Variants in AIDA observed in about 807,000 individuals in gnomAD.
AIDA encodes axin interactor, dorsalization-associated protein.
AIDA carries 18 observed loss-of-function variants against 42.7 expected under a neutral mutation model. That is an observed-to-expected ratio of 0.42 (90% CI 0.29 to 0.63). AIDA has a LOEUF of 0.63. Among genes scored for constraint, AIDA ranks in the 20% least tolerant of loss-of-function variants. The probability of loss-of-function intolerance (pLI) is 0.19; values close to 1 mark genes in which losing one functional copy is unlikely to be tolerated. For missense variants in AIDA, 250 were observed against 354.1 expected (o/e 0.71, Z 2.36); for synonymous variants, 104 against 122.9 (o/e 0.85, Z 1.02).
In AIDA at chr1:222,669,398, CT is replaced by C. The variant is rs1233224957; in HGVS notation, c.*494del. 1 of 155,408 alleles carries C rather than the reference CT, an allele frequency of 6.4e-6. No homozygotes were observed. The highest frequency in any genetic ancestry group is 1.9e-4 in the East Asian group (1 of 5,344). The allele number at this position is 155,408 out of a possible 1,614,324, so 9.6% of individuals were successfully genotyped here. ...GCTGCCTATAAACATCCAGACAGAC[CT>C]TCTTAGGCAGCAGAACTGGTCCCAT... On this transcript the variant is annotated 3_prime_UTR_variant, in exon 10 of 10. Coordinates refer to ENST00000340020, the MANE Select transcript of AIDA (RefSeq NM_022831.4).
In AIDA at chr1:222,712,483, C is replaced by T. The variant is rs1656118443; in HGVS notation, c.-166G>A. 2.8e-6 allele frequency: 4 copies of T among 1,412,506 alleles called. No homozygotes were observed. The highest frequency in any genetic ancestry group is 3.7e-6 in the Non-Finnish European group (4 of 1,086,138). The allele number at this position is 1,412,506 out of a possible 1,614,324, so 87.5% of individuals were successfully genotyped here. A position where few individuals can be genotyped will look rare whatever the true frequency, so the allele number is the denominator to read the frequency against. On this transcript the variant is annotated 5_prime_UTR_variant, in exon 1 of 10. Coordinates refer to ENST00000340020, the MANE Select transcript of AIDA (RefSeq NM_022831.4). ...GCCCAAGCCCATTTGCCGCCACAGC[C>T]AAACTTTGCGGCTCCAAAGCGACCG...
At chr1:222,679,611 G>A (rs981177051) in intron 6 of AIDA, among the ~76,000 whole-genome samples, 5 of 152,152 alleles carry the variant, frequency 3.3e-5, no homozygotes, top group Non-Finnish European at 5.9e-5. Flanking sequence ...CTATAACAAG[G>A]TGTCCCATTT....
At position 222,689,594 on chromosome 1, in the gene AIDA, CAT is replaced by C. The variant is rs1201964728; in HGVS notation, c.290-1938_290-1937del. On this transcript the variant is annotated intron_variant, in intron 4 of 9. Transcript: ENST00000340020. ...GTATATATATATACACACACACACA[CAT>C]ATATATACACACACACACACGTATA... Among the ~76,000 whole-genome samples, 116 of 131,480 alleles carry C rather than the reference CAT, an allele frequency of 8.8e-4. 2 individuals carry two copies. Among genetic ancestry groups the C allele is most frequent in the African/African-American group, 3.0e-3 (105 of 34,532 alleles). 86.3% of individuals were successfully genotyped at this position (131,480 alleles called of 152,430 possible).
intron 1 of AIDA, among the ~76,000 whole-genome samples, chr1:222,709,679 C>T (rs1655941534): frequency 6.6e-6 from 1 of 151,774 alleles, no homozygotes; most frequent in Non-Finnish European, 1.5e-5. Flanking sequence ...GAAAAGTGCC[C>T]CAGAAAAAAA....
chr1:222,703,453 C>T (rs567350529), intron 1 of AIDA, among the ~76,000 whole-genome samples: 1 of 152,124 alleles, frequency 6.6e-6, no homozygotes, highest in South Asian at 2.1e-4. Flanking sequence ...CAGCTCTAGG[C>T]AGTAAAAACA....
chr1:222,699,937 A>T (rs1186862940), intron 2 of AIDA, among the ~76,000 whole-genome samples: 1 of 151,982 alleles, frequency 6.6e-6, no homozygotes, highest in African/African-American at 2.4e-5. Flanking sequence ...ACGCTGGCTA[A>T]TTTTTTGTAT....
At chr1:222,691,466 A>C (rs528031429) in intron 4 of AIDA, among the ~76,000 whole-genome samples, 5 of 152,284 alleles carry the variant, frequency 3.3e-5, no homozygotes, top group African/African-American at 1.2e-4. Flanking sequence ...AAAATCACGA[A>C]ATTACATAGA....
At chr1:222,701,706 AT>A (rs199994029) in intron 2 of AIDA, among the ~76,000 whole-genome samples, 4 of 152,158 alleles carry the variant, frequency 2.6e-5, no homozygotes, top group East Asian at 1.9e-4. Flanking sequence ...AGAAAAAAAA[AT>A]ATTCTTTTTT....
At chr1:222,709,539 G>A (rs755505221) in intron 1 of AIDA, among the ~76,000 whole-genome samples, 3 of 152,190 alleles carry the variant, frequency 2.0e-5, no homozygotes, top group Non-Finnish European at 4.4e-5. Flanking sequence ...GTGTGAAACT[G>A]AGATAGAGGC....
At chr1:222,699,027 G>A (rs1299476535) in intron 2 of AIDA, among the ~76,000 whole-genome samples, 4 of 152,050 alleles carry the variant, frequency 2.6e-5, no homozygotes, top group African/African-American at 9.7e-5. Flanking sequence ...GGGTTTCACC[G>A]TGTTAGCCAG....
At position 222,712,489 on chromosome 1, in the gene AIDA, T is replaced by C; in HGVS notation, c.-172A>G. ...GCCCATTTGCCGCCACAGCCAAACT[T>C]TGCGGCTCCAAAGCGACCGCCCCGC... On this transcript the variant is annotated 5_prime_UTR_variant, in exon 1 of 10. Coordinates refer to ENST00000340020, the MANE Select transcript of AIDA (RefSeq NM_022831.4). 7.1e-7 allele frequency: 1 copy of C among 1,415,168 alleles called. No individual in the cohort carries two copies. The highest frequency in any genetic ancestry group is 2.9e-5 in the Admixed American group (1 of 34,000). The allele number at this position is 1,415,168 out of a possible 1,614,324, so 87.7% of individuals were successfully genotyped here.
At position 222,676,104 on chromosome 1, in the gene AIDA, C is replaced by G. The variant is rs374779055; in HGVS notation, c.575G>C (p.Ser192Thr). Residue 192 changes from serine (S) to threonine (T), a missense_variant, in exon 7 of 10, where the codon AGT becomes ACT. Ser to Thr is a moderately conservative substitution (Grantham distance 58). Transcript: ENST00000340020. ...GQCIDPYITV[S>T]VKDLNGIDLT... is the part of the protein sequence containing the mutation. ...TAAACAGAGTCACTTACCCTTTACA[C>G]TAACTGTAATATAGGGATCGATGCA... 217 of 1,588,302 alleles carry G rather than the reference C, an allele frequency of 1.4e-4. No individual in the cohort carries two copies. The highest frequency in any genetic ancestry group is 1.7e-4 in the Non-Finnish European group (198 of 1,169,946).
intron 6 of AIDA, among the ~76,000 whole-genome samples, chr1:222,686,715 C>T (rs963321903): frequency 6.6e-6 from 1 of 152,116 alleles, no homozygotes; most frequent in African/African-American, 2.4e-5. Context: ...TAGTGAATCA[C>T]TGAACATGGG....
At chr1:222,688,791 G>T (rs1306930769) in intron 4 of AIDA, among the ~76,000 whole-genome samples, 1 of 152,088 alleles carries the variant, frequency 6.6e-6, no homozygotes, top group African/African-American at 2.4e-5. Flanking sequence ...TAGAGACGGA[G>T]TTTTGCCATG....
At position 222,693,771 on chromosome 1, in the gene AIDA, A is replaced by T; in HGVS notation, c.289+18T>A. The T allele has an allele frequency of 6.3e-7, 1 of 1,591,860 alleles. No homozygotes were observed. Among genetic ancestry groups the T allele is most frequent in the Non-Finnish European group, 8.6e-7 (1 of 1,162,958 alleles). The stretch of plus-strand genomic sequence containing the variant: ...TTTTCCAAAGGAGTATCACAAAAAA[A>T]TATAAACTTAAACTTACTTGGTTCT... On this transcript the variant is annotated intron_variant, in intron 4 of 9. Coordinates refer to ENST00000340020, the MANE Select transcript of AIDA (RefSeq NM_022831.4).
intron 7 of AIDA, among the ~76,000 whole-genome samples, chr1:222,675,496 C>T (rs1394495468): frequency 6.6e-6 from 1 of 152,142 alleles, no homozygotes; most frequent in Non-Finnish European, 1.5e-5. Flanking sequence ...GCTTCCTAAC[C>T]ACAGTAACAT....
At chr1:222,670,289 A>G (rs753269116) in intron 8 of AIDA, 39 bp from the exon 9 acceptor site, 11 of 1,509,512 alleles carry the variant, frequency 7.3e-6, no homozygotes, top group Non-Finnish European at 9.2e-6. Flanking sequence ...CACAGATAGC[A>G]CATTTCTTGT....
chr1:222,712,274 C>A lies in AIDA; in HGVS notation c.44G>T (p.Ser15Ile). The A allele has an allele frequency of 6.3e-7, 1 of 1,586,446 alleles. No homozygotes were observed. Among genetic ancestry groups the A allele is most frequent in the Non-Finnish European group, 8.6e-7 (1 of 1,166,384 alleles). ...GTCGAAGTCGGCGCCTCTCCTAAAA[C>A]TGGCGCCCCAGCGCTGCAGCAGACT... The part of the protein sequence containing the change: ...TRSLLQRWGA[S>I]FRRGADFDSW... The change falls in exon 1 of 10, where the codon AGT becomes ATT. Residue 15 changes from serine to isoleucine, a missense_variant. Ser to Ile is a moderately radical substitution (Grantham distance 142, BLOSUM62 -2). Coordinates refer to ENST00000340020, the MANE Select transcript of AIDA (RefSeq NM_022831.4).
chr1:222,683,700 C>G (rs1216066712), intron 6 of AIDA, among the ~76,000 whole-genome samples: 1 of 152,116 alleles, frequency 6.6e-6, no homozygotes, highest in Non-Finnish European at 1.5e-5. Flanking sequence ...TATAGCTTTA[C>G]TATTCAAGAC....
Sources: gnomAD v4.1 joint callset for allele counts (sites outside exome capture counted in the v4.1 genomes callset) on GRCh38, gnomAD v4.1.1 for gene constraint, MANE v1.5 for transcripts, NCBI Gene and HGNC (gene_info 2026-07-23, HGNC 2026-07-21) for gene names.